Variants in GHR observed in about 807,000 individuals in gnomAD.
The protein encoded by GHR is growth hormone receptor.
A neutral mutation model predicts 67.1 loss-of-function variants in GHR; 35 were observed. The ratio of observed to expected loss-of-function variants is 0.52; its 90% confidence interval spans 0.40 to 0.69. The LOEUF (loss-of-function observed/expected upper bound fraction) is 0.69, where lower values mean the gene tolerates loss of function less well. Among genes scored for constraint, GHR ranks in the 30% least tolerant of loss-of-function variants. The pLI, the probability that GHR is intolerant of heterozygous loss-of-function variation, is 0.00. For missense variants in GHR, 792 were observed against 764.6 expected (o/e 1.04, Z -0.42); for synonymous variants, 272 against 269.1 (o/e 1.01, Z -0.10).
Position 42,711,437 on chromosome 5 carries a change from C to A in GHR, c.784+65C>A, listed in dbSNP as rs182510637. 1.5e-4 allele frequency: 157 copies of A among 1,078,252 alleles called. No individual in the cohort carries two copies. The African/African-American group carries it at 2.2e-3, about 15-fold the overall frequency. The allele number at this position is 1,078,252 out of a possible 1,614,324, so 66.8% of individuals were successfully genotyped here. On this transcript the variant is annotated intron_variant, in intron 7 of 9. Transcript: ENST00000230882. Reference sequence around the variant, plus strand: ...TTTTGTCAATATAACAGTTGATTCACCCCTGCACTGGTAGTGTGTTGTCCA... The same window carrying A: ...TTTTGTCAATATAACAGTTGATTCAACCCTGCACTGGTAGTGTGTTGTCCA...
intron 2 of GHR, among the ~76,000 whole-genome samples, chr5:42,577,807 A>G (rs966393592): frequency 6.6e-6 from 1 of 152,234 alleles, no homozygotes; most frequent in Admixed American, 6.5e-5. Flanking sequence ...CAAACCAAGC[A>G]TTCATCCTGT....
chr5:42,473,633 C>T (rs763312948), intron 1 of GHR, among the ~76,000 whole-genome samples: 24 of 152,126 alleles, frequency 1.6e-4, no homozygotes, highest in Non-Finnish European at 2.5e-4. Context: ...AATCCCAGCA[C>T]TTTGGGAGGC....
intron 2 of GHR, among the ~76,000 whole-genome samples, chr5:42,610,652 G>C (rs1052579479): frequency 6.6e-6 from 1 of 151,328 alleles, no homozygotes; most frequent in African/African-American, 2.4e-5. Flanking sequence ...TGCAGTACAG[G>C]TCTAATCCCA....
intron 1 of GHR, among the ~76,000 whole-genome samples, chr5:42,539,733 T>G (rs1436848552): frequency 6.6e-6 from 1 of 152,234 alleles, no homozygotes; most frequent in East Asian, 1.9e-4. Context: ...CTGTTGTAAA[T>G]TAAGATCCCA....
At chr5:42,564,079 A>AT (rs1749787398) in intron 1 of GHR, among the ~76,000 whole-genome samples, 1 of 151,898 alleles carries the variant, frequency 6.6e-6, no homozygotes, top group Admixed American at 6.6e-5. Context: ...ACCACAACTC[A>AT]TATTTATTTG....
Position 42,595,803 on chromosome 5 carries a change from G to A in GHR, c.70+29859G>A, listed in dbSNP as rs186902403. Among the ~76,000 whole-genome samples the A allele has an allele frequency of 1.4e-3, 217 of 152,314 alleles. 1 individual carries two copies. The highest frequency in any genetic ancestry group is 3.4e-3 in the Middle Eastern group (1 of 294). On this transcript the variant is annotated intron_variant, in intron 2 of 9. Coordinates refer to ENST00000230882, the MANE Select transcript of GHR (RefSeq NM_000163.5). ...GGCGGGGTGTTTTATGTGACAGATTGGCTGTAATAAAGATGCAGCTGTGGA... is the reference window on the plus strand; with the variant it reads ...GGCGGGGTGTTTTATGTGACAGATTAGCTGTAATAAAGATGCAGCTGTGGA...
intron 2 of GHR, among the ~76,000 whole-genome samples, chr5:42,573,137 G>A (rs1052494697): frequency 5.5e-4 from 83 of 152,256 alleles, no homozygotes; most frequent in African/African-American, 1.8e-3. Flanking sequence ...GAGGATCTTC[G>A]TGTATTTGTT....
intron 1 of GHR, among the ~76,000 whole-genome samples, chr5:42,559,169 G>A (rs1749466463): frequency 6.6e-6 from 1 of 152,118 alleles, no homozygotes; most frequent in Non-Finnish European, 1.5e-5. Context: ...CACATTTTAA[G>A]TGCTCAATAG....
chr5:42,489,465 G>C (rs1298230047), intron 1 of GHR, among the ~76,000 whole-genome samples: 1 of 151,988 alleles, frequency 6.6e-6, no homozygotes, highest in Non-Finnish European at 1.5e-5. Context: ...TAATTTCTAA[G>C]TGTTAAATAA....
chr5:42,546,776 TTGTC>T (rs1365578437), intron 1 of GHR, among the ~76,000 whole-genome samples: 17 of 152,172 alleles, frequency 1.1e-4, no homozygotes, highest in African/African-American at 3.9e-4. Context: ...TGGAGAGAAT[TTGTC>T]TGAGTGTTAA....
intron 9 of GHR, 93 bp from the exon 10 acceptor site, chr5:42,718,360 G>T: frequency 2.0e-6 from 2 of 985,158 alleles, no homozygotes; most frequent in Non-Finnish European, 3.2e-6. Context: ...TGTTCTTATT[G>T]TAACCATAAT....
chr5:42,515,656 G>T (rs1171302179), intron 1 of GHR, among the ~76,000 whole-genome samples: 1 of 152,226 alleles, frequency 6.6e-6, no homozygotes, highest in Non-Finnish European at 1.5e-5. Context: ...TTAACACTGG[G>T]TGGATATAAA....
At chr5:42,591,231 C>T (rs1019732965) in intron 2 of GHR, among the ~76,000 whole-genome samples, 3 of 152,202 alleles carry the variant, frequency 2.0e-5, no homozygotes, top group African/African-American at 7.2e-5. Context: ...GCTGACAGCA[C>T]TGATAATGCC....
chr5:42,496,593 A>G (rs1270107886), intron 1 of GHR, among the ~76,000 whole-genome samples: 1 of 152,098 alleles, frequency 6.6e-6, no homozygotes, highest in Non-Finnish European at 1.5e-5. Flanking sequence ...AGTGTCAGGT[A>G]CGTCTTGTCC....
chr5:42,444,869 T>C (rs1346093277), intron 1 of GHR, among the ~76,000 whole-genome samples: 3 of 152,218 alleles, frequency 2.0e-5, no homozygotes, highest in African/African-American at 7.2e-5. Context: ...CTCTTTCCTC[T>C]ACCACTTCTT....
At chr5:42,454,701 C>T (rs1744187627) in intron 1 of GHR, among the ~76,000 whole-genome samples, 1 of 152,206 alleles carries the variant, frequency 6.6e-6, no homozygotes, top group Admixed American at 6.5e-5. Context: ...CCCAATCTCA[C>T]TCTTGCAATG....
At chr5:42,635,381 A>G (rs1182452828) in intron 3 of GHR, among the ~76,000 whole-genome samples, 3 of 152,220 alleles carry the variant, frequency 2.0e-5, no homozygotes, top group African/African-American at 4.8e-5. Context: ...AAGTCTCTTA[A>G]CAGCCCAAGA....
chr5:42,457,497 T>C (rs1744310507), intron 1 of GHR, among the ~76,000 whole-genome samples: 1 of 152,212 alleles, frequency 6.6e-6, no homozygotes, highest in Admixed American at 6.5e-5. Flanking sequence ...TCCTATGAAC[T>C]AAATGTTATT....
chr5:42,560,572 A>G (rs1315013606), intron 1 of GHR, among the ~76,000 whole-genome samples: 1 of 152,164 alleles, frequency 6.6e-6, no homozygotes, highest in Non-Finnish European at 1.5e-5. Context: ...TTAAATTCAC[A>G]TGATACTCCT....
Sources: gnomAD v4.1 joint callset for allele counts (sites outside exome capture counted in the v4.1 genomes callset) on GRCh38, gnomAD v4.1.1 for gene constraint, MANE v1.5 for transcripts, NCBI Gene and HGNC (gene_info 2026-07-23, HGNC 2026-07-21) for gene names.